The following CDC14B variants were observed in gnomAD, a reference collection of about 807,000 sequenced individuals.
CDC14B encodes the protein cell division cycle 14B.
CDC14B carries 22 observed loss-of-function variants against 64.2 expected under a neutral mutation model. The observed-to-expected ratio is 0.34, with a 90% CI of 0.24 to 0.49. The LOEUF (loss-of-function observed/expected upper bound fraction) is 0.49, where lower values mean the gene tolerates loss of function less well. Ranked by LOEUF, CDC14B falls within the 20% of genes least tolerant of loss-of-function variation. The pLI is 0.99. For synonymous variants in CDC14B, 191 were observed against 215.8 expected, an observed-to-expected ratio of 0.89 and a Z score of 1.01; for missense variants, 498 against 629.9, an observed-to-expected ratio of 0.79 and a Z score of 2.24.
rs112790142 is a variant in CDC14B at position 96,544,073 on chromosome 9, C to T, written c.498-2181G>A. Among the ~76,000 whole-genome samples, 305 of 151,982 alleles carry T rather than the reference C, an allele frequency of 2.0e-3. 5 individuals carry two copies. Among genetic ancestry groups the T allele is most frequent in the African/African-American group, 6.6e-3 (272 of 41,438 alleles). ...CTCTACTAAAAACATAAAAATTAGC[C>T]GGGCATGGTGGCGCGCACCTGTAGT... is the stretch of plus-strand genomic sequence containing the variant. On this transcript the variant is annotated intron_variant, in intron 5 of 13. Coordinates refer to ENST00000375241, the MANE Select transcript of CDC14B (RefSeq NM_033331.4).
intron 13 of CDC14B, among the ~76,000 whole-genome samples, chr9:96,507,777 T>C (rs1834363828): frequency 6.6e-6 from 1 of 152,114 alleles, no homozygotes; most frequent in African/African-American, 2.4e-5. Context: ...TCCCTTCATT[T>C]ATTGTAGAAA....
At chr9:96,518,300 A>G (rs182315024) in intron 12 of CDC14B, among the ~76,000 whole-genome samples, 1 of 152,074 alleles carries the variant, frequency 6.6e-6, no homozygotes, top group Non-Finnish European at 1.5e-5. Flanking sequence ...GCAGATCACG[A>G]GGTCAGGAGT....
chr9:96,589,006 G>C (rs1845623207), intron 1 of CDC14B, among the ~76,000 whole-genome samples: 1 of 152,106 alleles, frequency 6.6e-6, no homozygotes, highest in African/African-American at 2.4e-5. Context: ...TCTTTCTGTA[G>C]AATGAAATTC....
intron 5 of CDC14B, among the ~76,000 whole-genome samples, chr9:96,548,485 TAC>T (rs978267746): frequency 8.6e-5 from 13 of 151,790 alleles, no homozygotes; most frequent in Admixed American, 3.9e-4. Flanking sequence ...TATACACACA[TAC>T]ACACACACAT....
chr9:96,534,973 A>C (rs1839072635), intron 7 of CDC14B, among the ~76,000 whole-genome samples: 2 of 152,194 alleles, frequency 1.3e-5, no homozygotes, highest in Non-Finnish European at 2.9e-5. Flanking sequence ...TCCACGAATA[A>C]AGGGGGAAAA....
intron 1 of CDC14B, among the ~76,000 whole-genome samples, chr9:96,591,413 C>A (rs528891104): frequency 1.3e-5 from 2 of 152,212 alleles, no homozygotes; most frequent in South Asian, 4.2e-4. Flanking sequence ...GGGTTTATTT[C>A]TGGGCTGTTT....
At chr9:96,521,886 T>G (rs1242682512) in intron 12 of CDC14B, among the ~76,000 whole-genome samples, 1 of 152,248 alleles carries the variant, frequency 6.6e-6, no homozygotes, top group African/African-American at 2.4e-5. Flanking sequence ...ACTTTGCTTC[T>G]GCATATTTTT....
chr9:96,565,747 AC>A (rs1843820615), intron 1 of CDC14B, among the ~76,000 whole-genome samples: 1 of 152,280 alleles, frequency 6.6e-6, no homozygotes, highest in African/African-American at 2.4e-5. Flanking sequence ...TTCTAAACAA[AC>A]CTATTTTTGT....
At position 96,515,701 on chromosome 9, in the gene CDC14B, G is replaced by C. The variant is rs1835540356; in HGVS notation, c.1344-5912C>G. On this transcript the variant is annotated intron_variant, in intron 12 of 13. Transcript: ENST00000375241. This position sits in a 1 kb window ranked among gnomAD's most constrained non-coding sequence, Gnocchi z 4.3. ...GGCTACTGTGTTCTGAAACCATCGA[G>C]ACAGAATAGCAGGATGGGAAGAATG... The C allele has an allele frequency of 2.5e-6, 4 of 1,603,526 alleles. No homozygotes were observed. In the East Asian group the frequency reaches 8.9e-5, roughly 36 times the overall value.
intron 13 of CDC14B, among the ~76,000 whole-genome samples, chr9:96,504,312 G>A (rs1023140979): frequency 5.3e-5 from 8 of 151,664 alleles, no homozygotes; most frequent in South Asian, 2.1e-4. Context: ...ACCTGCCTCC[G>A]CACTCCACGA....
At chr9:96,561,409 G>A (rs954854601) in intron 4 of CDC14B, among the ~76,000 whole-genome samples, 4 of 152,120 alleles carry the variant, frequency 2.6e-5, no homozygotes, top group Non-Finnish European at 5.9e-5. Flanking sequence ...AAAATGGTCC[G>A]GTAAGGCATG....
chr9:96,540,490 G>A (rs570303862), intron 6 of CDC14B, among the ~76,000 whole-genome samples: 26 of 151,478 alleles, frequency 1.7e-4, no homozygotes, highest in Non-Finnish European at 3.5e-4. Context: ...AAAATTAGCT[G>A]AGCATAGCAG....
At chr9:96,536,647 A>G (rs1839313711) in intron 7 of CDC14B, among the ~76,000 whole-genome samples, 1 of 152,220 alleles carries the variant, frequency 6.6e-6, no homozygotes, top group Non-Finnish European at 1.5e-5. Flanking sequence ...CAGTTCAGTT[A>G]AACGTAAGAG....
rs917044156 is a variant in CDC14B, at chr9:96,619,425, GCCCGCGCGCCCGCCGAGGCTCCCGCCAGC to G, written c.-76_-48del. 3.2e-5 allele frequency: 35 copies of G among 1,084,632 alleles called. No homozygotes were observed. The highest frequency in any genetic ancestry group is 1.9e-4 in the African/African-American group (11 of 58,664). The allele number at this position is 1,084,632 out of a possible 1,614,324, so 67.2% of individuals were successfully genotyped here. The stretch of plus-strand genomic sequence containing the variant: ...GGGGGCCACGACCATGGCCCCGCGC[GCCCGCGCGCCCGCCGAGGCTCCCGCCAGC>G]CCCGCGCGGGCGCTCGGGGCGGCGG... On this transcript the variant is annotated 5_prime_UTR_variant, in exon 1 of 14. The change creates a premature stop within an existing upstream ORF in the 5' untranslated region. Transcript: ENST00000375241.
At chr9:96,498,748 C>T (rs767733253), downstream of CDC14B, among the ~76,000 whole-genome samples, 2 of 152,230 alleles carry the variant, frequency 1.3e-5, no homozygotes, top group African/African-American at 2.4e-5. Context: ...GCACTTTCCA[C>T]GTGTTATTTT....
chr9:96,519,924 TTGGA>T (rs1196907355), intron 12 of CDC14B, among the ~76,000 whole-genome samples: 1 of 152,188 alleles, frequency 6.6e-6, no homozygotes, highest in African/African-American at 2.4e-5. Flanking sequence ...TGAGTCAAAC[TTGGA>T]TGAAGAAATT....
intron 13 of CDC14B, among the ~76,000 whole-genome samples, chr9:96,504,205 A>T: frequency 6.6e-6 from 1 of 151,962 alleles, no homozygotes; most frequent in Non-Finnish European, 1.5e-5. Flanking sequence ...GAGAACTGTT[A>T]CTGGGTTATT....
At chr9:96,518,317 C>A (rs1836068347) in intron 12 of CDC14B, among the ~76,000 whole-genome samples, 1 of 151,956 alleles carries the variant, frequency 6.6e-6, no homozygotes, top group South Asian at 2.1e-4. Context: ...GAGTTTGAGA[C>A]CAGCCTGGCC....
In CDC14B at chr9:96,534,038, C is replaced by T. The variant is rs752429241; in HGVS notation, c.835G>A (p.Asp279Asn). Reference sequence around the variant, plus strand: ...TCCGCAAAGAAAAGATCATGGTGATCGAAGCCAGCATCCGTAAAGCGTTTG... The same window carrying T: ...TCCGCAAAGAAAAGATCATGGTGATTGAAGCCAGCATCCGTAAAGCGTTTG... ...DAKRFTDAGF[D>N]HHDLFFADGS... is the part of the protein sequence containing the mutation. Residue 279 changes from aspartate to asparagine, a missense_variant, in exon 9 of 14, where the codon GAT becomes AAT. Physicochemically the swap from Asp to Asn is conservative, Grantham distance 23. Transcript: ENST00000375241. 11 of 1,612,932 alleles carry T rather than the reference C, an allele frequency of 6.8e-6. No homozygotes were observed. The highest frequency in any genetic ancestry group is 8.5e-6 in the Non-Finnish European group (10 of 1,179,282).
Sources: gnomAD v4.1 joint callset for allele counts (sites outside exome capture counted in the v4.1 genomes callset) on GRCh38, gnomAD v4.1.1 for gene constraint, Gnocchi (gnomAD v3.1) non-coding constraint, MANE v1.5 for transcripts, NCBI Gene and HGNC (gene_info 2026-07-23, HGNC 2026-07-21) for gene names.